CSMD1: variants seen among roughly 807,000 people sequenced by gnomAD.
CSMD1 encodes the protein CUB and Sushi multiple domains 1.
Under a neutral mutation model 417.5 loss-of-function variants are expected in CSMD1, and 213 were observed. That is an observed-to-expected ratio of 0.51 (90% CI 0.46 to 0.57). The LOEUF (loss-of-function observed/expected upper bound fraction) is 0.57, where lower values mean the gene tolerates loss of function less well. Ranked by LOEUF, CSMD1 falls within the 20% of genes least tolerant of loss-of-function variation. CSMD1 has a pLI of 0.00. For missense variants in CSMD1, 6,923 were observed against 4,529.7 expected, an observed-to-expected ratio of 1.53 and a Z score of -15.17; for synonymous variants, 2,862 against 1,736.8, an observed-to-expected ratio of 1.65 and a Z score of -16.11.
chr8:4,476,864 A>C (rs1243661187), intron 2 of CSMD1, among the ~76,000 whole-genome samples: 3 of 152,240 alleles, frequency 2.0e-5, no homozygotes, highest in Admixed American at 6.5e-5. Context: ...CAGTCAAAAC[A>C]TAAACTACAG....
intron 5 of CSMD1, among the ~76,000 whole-genome samples, chr8:3,866,718 G>A (rs576335134): frequency 1.7e-4 from 26 of 152,076 alleles, no homozygotes; most frequent in African/African-American, 6.0e-4. Context: ...GGTAGTCCTT[G>A]GCCACTACAA....
chr8:3,241,239 G>T (rs537740788), intron 26 of CSMD1, among the ~76,000 whole-genome samples: 2 of 150,894 alleles, frequency 1.3e-5, no homozygotes, highest in Non-Finnish European at 3.0e-5. Flanking sequence ...GCTTAAAAGA[G>T]TATTGTCTAA....
chr8:3,773,960 T>C (rs1472417786), intron 5 of CSMD1, among the ~76,000 whole-genome samples: 1 of 152,204 alleles, frequency 6.6e-6, no homozygotes, highest in East Asian at 1.9e-4. Context: ...CAGGAGCCTG[T>C]GCCTGGATTA....
intron 7 of CSMD1, among the ~76,000 whole-genome samples, chr8:3,672,257 A>C (rs920227576): frequency 6.6e-6 from 1 of 152,114 alleles, no homozygotes; most frequent in Non-Finnish European, 1.5e-5. Context: ...CTTACACATT[A>C]TATTAAACCA....
At chr8:4,174,129 G>C (rs1286815466) in intron 3 of CSMD1, among the ~76,000 whole-genome samples, 1 of 152,100 alleles carries the variant, frequency 6.6e-6, no homozygotes, top group Non-Finnish European at 1.5e-5. Flanking sequence ...AGCCTGGAAA[G>C]GGAGGGTCAC....
intron 18 of CSMD1, among the ~76,000 whole-genome samples, chr8:3,370,431 G>A (rs1035213763): frequency 2.0e-5 from 3 of 152,178 alleles, no homozygotes; most frequent in African/African-American, 7.2e-5. Context: ...TGAGGCCTAT[G>A]GATGTCACCA....
chr8:3,067,617 T>C (rs1813024592), intron 49 of CSMD1, among the ~76,000 whole-genome samples: 1 of 149,432 alleles, frequency 6.7e-6, no homozygotes, highest in South Asian at 2.1e-4. Flanking sequence ...GTATATAATA[T>C]ATAAATATAT....
At chr8:4,146,057 G>A (rs1185298453) in intron 3 of CSMD1, among the ~76,000 whole-genome samples, 1 of 150,790 alleles carries the variant, frequency 6.6e-6, no homozygotes, top group Non-Finnish European at 1.5e-5. Flanking sequence ...CAACATTGCA[G>A]ACACTTGAGG....
At chr8:4,730,696 G>C (rs1489293813) in intron 1 of CSMD1, among the ~76,000 whole-genome samples, 1 of 151,856 alleles carries the variant, frequency 6.6e-6, no homozygotes, top group Non-Finnish European at 1.5e-5. Context: ...AGGAGAGATC[G>C]TGCCACTGCA....
chr8:3,959,640 T>A (rs1271301781), intron 5 of CSMD1, among the ~76,000 whole-genome samples: 2 of 152,350 alleles, frequency 1.3e-5, no homozygotes, highest in South Asian at 4.1e-4. Flanking sequence ...AATTTATGTT[T>A]TTGCCATGCT....
At chr8:3,736,573 T>C (rs1016127678) in intron 6 of CSMD1, among the ~76,000 whole-genome samples, 8 of 152,158 alleles carry the variant, frequency 5.3e-5, no homozygotes, top group Non-Finnish European at 1.2e-4. Flanking sequence ...ACCACCTGCC[T>C]CACCATGGCT....
intron 7 of CSMD1, among the ~76,000 whole-genome samples, chr8:3,705,780 G>A (rs1195469077): frequency 2.0e-5 from 3 of 152,096 alleles, no homozygotes; most frequent in African/African-American, 4.8e-5. Flanking sequence ...AAGAACTGTG[G>A]TCTCCCAGAG....
At position 3,624,549 on chromosome 8, in the gene CSMD1, C is replaced by G. The variant is rs1796403116; in HGVS notation, c.1010-7752G>C. Among the ~76,000 whole-genome samples the G allele has an allele frequency of 3.9e-5, 6 of 152,266 alleles. No homozygotes were observed. In the South Asian group the frequency reaches 1.2e-3, roughly 32 times the overall value. ...ATGTACAGATGTATTTCAGTTGGAT[C>G]AGTTTTGAGACAAACTGTAACCATT... On this transcript the variant is annotated intron_variant, in intron 7 of 69. Coordinates refer to ENST00000635120, the MANE Select transcript of CSMD1 (RefSeq NM_033225.6).
chr8:3,504,060 G>T (rs979952623), intron 10 of CSMD1, among the ~76,000 whole-genome samples: 1 of 152,022 alleles, frequency 6.6e-6, no homozygotes, highest in Non-Finnish European at 1.5e-5. Context: ...ACAACAATTT[G>T]CTGTGTATTT....
chr8:4,077,279 C>CTATA (rs34522635), intron 3 of CSMD1, among the ~76,000 whole-genome samples: 1 of 94,992 alleles, frequency 1.1e-5, no homozygotes, highest in Non-Finnish European at 2.2e-5. Context: ...CATTTGTCAC[C>CTATA]TATATATATA....
At chr8:4,243,430 C>T (rs1272754743) in intron 3 of CSMD1, among the ~76,000 whole-genome samples, 1 of 152,068 alleles carries the variant, frequency 6.6e-6, no homozygotes, top group Non-Finnish European at 1.5e-5. Context: ...GCTCCTTGTT[C>T]CCCTGTAACT....
rs143494031 is a variant in CSMD1 at position 3,663,115 on chromosome 8, A to C, written c.1009+45299T>G. 3.2e-3 allele frequency among the ~76,000 whole-genome samples: 490 copies of C among 152,316 alleles called. 3 individuals carry two copies. Among genetic ancestry groups the C allele is most frequent in the African/African-American group, 0.011 (472 of 41,564 alleles). On this transcript the variant is annotated intron_variant, in intron 7 of 69. Coordinates refer to ENST00000635120, the MANE Select transcript of CSMD1 (RefSeq NM_033225.6). ...AGAACTGCCCGCAATGAAGACCTGA[A>C]GCAGTGGGGGCCTCAGGAGAGGCCG...
intron 55 of CSMD1, among the ~76,000 whole-genome samples, chr8:2,978,304 T>C (rs1805105795): frequency 6.6e-6 from 1 of 152,168 alleles, no homozygotes; most frequent in Admixed American, 6.5e-5. Context: ...CAGGCCTACC[T>C]GGTAGGCTGA....
chr8:4,468,348 C>G (rs1216055127), intron 2 of CSMD1, among the ~76,000 whole-genome samples: 1 of 152,126 alleles, frequency 6.6e-6, no homozygotes, highest in Non-Finnish European at 1.5e-5. Flanking sequence ...GGTGTTATCA[C>G]AAAACCTTTT....
Sources: gnomAD v4.1 joint callset for allele counts (sites outside exome capture counted in the v4.1 genomes callset) on GRCh38, gnomAD v4.1.1 for gene constraint, MANE v1.5 for transcripts, NCBI Gene and HGNC (gene_info 2026-07-23, HGNC 2026-07-21) for gene names.